UBN1: variants seen among roughly 807,000 people sequenced by gnomAD.
UBN1 encodes the protein ubinuclein-1.
A neutral mutation model predicts 108.5 loss-of-function variants in UBN1; 17 were observed. The ratio of observed to expected loss-of-function variants is 0.16; its 90% CI spans 0.11 to 0.24. The LOEUF (loss-of-function observed/expected upper bound fraction) is 0.24. Ranked by LOEUF, UBN1 falls within the 10% of genes least tolerant of loss-of-function variation. UBN1 has a pLI of 1.00. For synonymous variants in UBN1, 726 were observed against 564.2 expected (o/e 1.29, Z -4.07); for missense variants, 1,595 against 1,394.4 (o/e 1.14, Z -2.29).
chr16:4,870,566 G>A lies in UBN1; in HGVS notation c.1362G>A (p.Arg454=), dbSNP rs775149292. The A allele has an allele frequency of 6.2e-7, 1 of 1,614,266 alleles. No homozygotes were observed. ...AGAAGCTCAAGGAAGCCATTGGCAGGGCGATGCCAGAGCAGATGGCCAAGT... is the reference window on the plus strand; with the variant it reads ...AGAAGCTCAAGGAAGCCATTGGCAGAGCGATGCCAGAGCAGATGGCCAAGT... ...PLQKLKEAIG[R]AMPEQMAKYQ... The change falls in exon 10 of 18, where the codon AGG becomes AGA. Residue 454 remains arginine (R), a synonymous_variant. Transcript: ENST00000262376.
At chr16:4,875,877 C>G (rs745623060) in intron 15 of UBN1, among the ~76,000 whole-genome samples, 2 of 152,076 alleles carry the variant, frequency 1.3e-5, no homozygotes, top group African/African-American at 2.4e-5. Context: ...TTTTGAAGGA[C>G]AGAGTCCAAT....
Position 4,876,889 on chromosome 16 carries a change from G to T in UBN1, c.3043G>T (p.Val1015Leu). The change falls in exon 16 of 18, where the codon GTG becomes TTG. Residue 1015 changes from valine to leucine, a missense_variant. Val to Leu is a conservative substitution (Grantham distance 32). Around this residue, in one of 3 missense-constraint regions of UBN1, gnomAD observed 1,398 missense variants for 1,194.7 expected, o/e 1.17. Transcript: ENST00000262376. ...TCCCTAGAAAGGAGCGAGTGGGACT[G>T]TGCTGCTGGCCGGCTCCTCTTTGAT... ...TSLSKGASGTVLLAGSSLMAS... is the reference protein window; with the variant it reads ...TSLSKGASGTLLLAGSSLMAS... 6.2e-7 allele frequency: 1 copy of T among 1,609,584 alleles called. No homozygotes were observed. The highest frequency in any genetic ancestry group is 1.1e-5 in the South Asian group (1 of 90,316).
chr16:4,857,840 A>T, intron 2 of UBN1, 150 bp from the exon 3 acceptor site: 1 of 621,652 alleles, frequency 1.6e-6, no homozygotes, highest in Non-Finnish European at 2.8e-6. Context: ...AATTAAGATA[A>T]ACATTGATGA....
Position 4,877,444 on chromosome 16 carries a change from G to T in UBN1, c.3325G>T (p.Val1109Leu), listed in dbSNP as rs1654696688. Residue 1109 changes from valine to leucine, a missense_variant, in exon 17 of 18, where the codon GTG becomes TTG. Physicochemically the swap from Val to Leu is conservative, Grantham distance 32. This residue lies in a region of UBN1 where 1,398 missense variants were observed against 1,194.7 expected (regional missense o/e 1.17). Coordinates refer to ENST00000262376, the MANE Select transcript of UBN1 (RefSeq NM_001079514.3). This position sits in a 1 kb window ranked among gnomAD's most constrained non-coding sequence, Gnocchi z 4.3. ...TGCAGCGCCTCTCCCACACGCTGCG[G>T]TGCCCACCCATATCCCGCAGAGTCT... ...PHAAPLPHAA[V>L]PTHIPQSLPG... The T allele has an allele frequency of 1.2e-6, 2 of 1,611,970 alleles. No homozygotes were observed. The highest frequency in any genetic ancestry group is 1.7e-5 in the Admixed American group (1 of 59,906).
Position 4,860,846 on chromosome 16 carries a change from C to T in UBN1, c.854C>T (p.Ala285Val), listed in dbSNP as rs1201579345. 6.2e-7 allele frequency: 1 copy of T among 1,614,274 alleles called. No homozygotes were observed. Among genetic ancestry groups the T allele is most frequent in the East Asian group, 2.2e-5 (1 of 44,890 alleles). Residue 285 changes from alanine to valine, a missense_variant, in exon 7 of 18, where the codon GCC becomes GTC. Around this residue, in one of 3 missense-constraint regions of UBN1, gnomAD observed 1,398 missense variants for 1,194.7 expected, o/e 1.17. Transcript: ENST00000262376. Reference sequence around the variant, plus strand: ...CAGGGCCTGCGGGAACTGGAGGGTGCCTCTGACCCCTTGCTCTCACTCTTT... The same window carrying T: ...CAGGGCCTGCGGGAACTGGAGGGTGTCTCTGACCCCTTGCTCTCACTCTTT... The part of the protein sequence containing the change: ...EAQGLRELEG[A>V]SDPLLSLFGS...
Position 4,874,312 on chromosome 16 carries a change from T to C in UBN1, c.1902T>C (p.Ile634=), listed in dbSNP as rs1009808388. 5.6e-6 allele frequency: 9 copies of C among 1,614,204 alleles called. 1 individual carries two copies. The highest frequency in any genetic ancestry group is 3.3e-4 in the Middle Eastern group (2 of 6,062). Residue 634 remains isoleucine (I), a synonymous_variant, in exon 15 of 18, where the codon ATT becomes ATC. Coordinates refer to ENST00000262376, the MANE Select transcript of UBN1 (RefSeq NM_001079514.3). The part of the protein sequence containing the change: ...PSDHQTGGLS[I]GASSRELPSQ... ...ATCACCAAACAGGAGGCCTGAGTAT[T>C]GGGGCCTCGAGCAGGGAGCTCCCAT...
intron 12 of UBN1, among the ~76,000 whole-genome samples, chr16:4,871,649 T>C (rs2087642629): frequency 6.8e-6 from 1 of 147,742 alleles, no homozygotes; most frequent in South Asian, 2.2e-4. Flanking sequence ...TGCAGTGGTA[T>C]GATCTCAGCT....
In UBN1 at chr16:4,877,495, G is replaced by A; in HGVS notation, c.3355+21G>A. ...GCCAGGTAATCACCCGACGGTCAGT[G>A]TGCCACGCGCACCGTGTGCCTTTGC... On this transcript the variant is annotated intron_variant, in intron 17 of 17. Coordinates refer to ENST00000262376, the MANE Select transcript of UBN1 (RefSeq NM_001079514.3). The surrounding 1 kb of genome is among the most constrained non-coding windows in gnomAD (Gnocchi z 4.3). The A allele has an allele frequency of 1.9e-6, 3 of 1,602,190 alleles. No homozygotes were observed. The highest frequency in any genetic ancestry group is 2.6e-6 in the Non-Finnish European group (3 of 1,175,944).
At chr16:4,855,770 T>C (rs2086780771) in intron 2 of UBN1, among the ~76,000 whole-genome samples, 2 of 151,994 alleles carry the variant, frequency 1.3e-5, no homozygotes, top group Admixed American at 6.6e-5. Flanking sequence ...AATACAAAAA[T>C]TAGCCGGGTG....
In UBN1 at chr16:4,847,562, T is replaced by A. The variant is rs1029836133; in HGVS notation, c.-688T>A. On this transcript the variant is annotated 5_prime_UTR_variant, in exon 1 of 18. Coordinates refer to ENST00000262376, the MANE Select transcript of UBN1 (RefSeq NM_001079514.3). Reference sequence around the variant, plus strand: ...CGGCGGCGGCGACGGTGCGACCGGCTGAGCGCGAGAGGGAGCCGGCCTCGC... The same window carrying A: ...CGGCGGCGGCGACGGTGCGACCGGCAGAGCGCGAGAGGGAGCCGGCCTCGC... The A allele has an allele frequency of 2.6e-5, 11 of 415,700 alleles. No individual in the cohort carries two copies. Among genetic ancestry groups the A allele is most frequent in the East Asian group, 4.9e-5 (1 of 20,298 alleles). The allele number at this position is 415,700 out of a possible 1,614,324, so 25.8% of individuals were successfully genotyped here.
Position 4,874,701 on chromosome 16 carries a change from C to A in UBN1, c.2291C>A (p.Ser764Tyr), listed in dbSNP as rs764055535. Residue 764 changes from serine to tyrosine, a missense_variant, in exon 15 of 18, where the codon TCC (serine) becomes TAC (tyrosine). This residue lies in a region of UBN1 where 1,398 missense variants were observed against 1,194.7 expected (regional missense o/e 1.17). Transcript: ENST00000262376. ...KPESSGYKEL[S>Y]CQAPLNKGLP... is the part of the protein sequence containing the mutation. ...GAGAGTTCTGGCTACAAAGAGCTGTCCTGCCAGGCTCCCCTCAATAAGGGC... is the reference window on the plus strand; with the variant it reads ...GAGAGTTCTGGCTACAAAGAGCTGTACTGCCAGGCTCCCCTCAATAAGGGC... 1.2e-6 allele frequency: 2 copies of A among 1,614,166 alleles called. No homozygotes were observed. Among genetic ancestry groups the A allele is most frequent in the East Asian group, 2.2e-5 (1 of 44,886 alleles).
intron 1 of UBN1, among the ~76,000 whole-genome samples, chr16:4,851,465 T>TA (rs2086554596): frequency 6.6e-6 from 1 of 151,626 alleles, no homozygotes; most frequent in African/African-American, 2.4e-5. Context: ...ACAAAAAACC[T>TA]ATATACACAA....
intron 7 of UBN1, among the ~76,000 whole-genome samples, chr16:4,864,805 T>A (rs2087244355): frequency 6.6e-6 from 1 of 152,070 alleles, no homozygotes; most frequent in Admixed American, 6.5e-5. Flanking sequence ...CTCTATAGAA[T>A]TAGAACCCCT....
intron 1 of UBN1, among the ~76,000 whole-genome samples, chr16:4,851,502 C>T (rs1015222076): frequency 7.9e-5 from 12 of 151,812 alleles, no homozygotes; most frequent in East Asian, 5.8e-4. Context: ...TGGTTGGAGA[C>T]GAACATTCTA....
chr16:4,866,332 T>C (rs925887749), intron 7 of UBN1, among the ~76,000 whole-genome samples: 24 of 152,196 alleles, frequency 1.6e-4, no homozygotes, highest in African/African-American at 4.6e-4. Context: ...AGCTTGAGTT[T>C]TGCGCATTTT....
At chr16:4,873,364 C>T (rs75779097) in intron 14 of UBN1, among the ~76,000 whole-genome samples, 4 of 152,212 alleles carry the variant, frequency 2.6e-5, no homozygotes, top group Non-Finnish European at 4.4e-5. Context: ...AAGGTGTGAA[C>T]GTGTTACACT....
rs1289252700 is a variant in UBN1 at position 4,881,885 on chromosome 16, C to T, written c.*1753C>T. The T allele has an allele frequency of 1.3e-5, 2 of 152,268 alleles. No individual in the cohort carries two copies. Among genetic ancestry groups the T allele is most frequent in the Non-Finnish European group, 2.9e-5 (2 of 68,038 alleles). The allele number at this position is 152,268 out of a possible 1,614,324, so 9.4% of individuals were successfully genotyped here. ...CAGTGGAGGCTGAGCAGGGACTCTC[C>T]AGGCTTCTCTGCCCATAAACACCCG... is the stretch of plus-strand genomic sequence containing the variant. On this transcript the variant is annotated 3_prime_UTR_variant, in exon 18 of 18. Coordinates refer to ENST00000262376, the MANE Select transcript of UBN1 (RefSeq NM_001079514.3).
At chr16:4,860,450 T>C (rs533166471) in intron 6 of UBN1, among the ~76,000 whole-genome samples, 2 of 152,334 alleles carry the variant, frequency 1.3e-5, no homozygotes, top group Admixed American at 6.5e-5. Flanking sequence ...AAATTTAGCA[T>C]ATGTGACACT....
At chr16:4,859,292 T>C in intron 5 of UBN1, 133 bp downstream of exon 5, 3 of 1,283,946 alleles carry the variant, frequency 2.3e-6, no homozygotes, top group Non-Finnish European at 3.2e-6. Context: ...CCGTGCCAGG[T>C]TGATGGCTCG....
Sources: allele counts gnomAD v4.1 joint callset (sites outside exome capture counted in the v4.1 genomes callset), GRCh38; gene constraint gnomAD v4.1.1; regional missense constraint gnomAD v4.1.1; non-coding constraint Gnocchi (gnomAD v3.1); transcripts MANE v1.5; gene names NCBI Gene and HGNC (gene_info 2026-07-23, HGNC 2026-07-21).